The following TSPAN18 variants were observed in gnomAD, a reference collection of about 807,000 sequenced individuals.
TSPAN18 encodes the protein tetraspanin-18.
In TSPAN18, 14 loss-of-function variants were observed where a neutral mutation model predicts 27.3. The observed-to-expected ratio is 0.51, with a 90% CI of 0.34 to 0.80. TSPAN18 has a LOEUF of 0.80. Ranked by LOEUF, TSPAN18 falls within the 30% of genes least tolerant of loss-of-function variation. The probability of loss-of-function intolerance (pLI) is 0.01; values close to 1 mark genes in which losing one functional copy is unlikely to be tolerated. For missense variants in TSPAN18, 268 were observed against 323.9 expected, an observed-to-expected ratio of 0.83 and a Z score of 1.32; for synonymous variants, 143 against 136.5, an observed-to-expected ratio of 1.05 and a Z score of -0.33.
intron 1 of TSPAN18, among the ~76,000 whole-genome samples, chr11:44,741,932 C>T (rs1854946443): frequency 1.3e-5 from 2 of 151,932 alleles, no homozygotes; most frequent in Non-Finnish European, 2.9e-5. Context: ...CCACTCCCTT[C>T]CCTTTTTTTC....
Position 44,828,986 on chromosome 11 carries a change from A to C in TSPAN18, c.-152-31342A>C, listed in dbSNP as rs1857100945. 3.3e-5 allele frequency among the ~76,000 whole-genome samples: 5 copies of C among 152,088 alleles called. No individual in the cohort carries two copies. The South Asian group carries it at 1.0e-3, about 32-fold the overall frequency. On this transcript the variant is annotated intron_variant, in intron 2 of 9. Coordinates refer to ENST00000520358, the MANE Select transcript of TSPAN18 (RefSeq NM_130783.5). ...CCCCTCTCATCAATCCCATCTCTCT[A>C]CTATAACCCAGTTTTAAAAACGAAT...
chr11:44,909,060 T>C (rs558712252), intron 4 of TSPAN18, among the ~76,000 whole-genome samples: 61 of 152,216 alleles, frequency 4.0e-4, no homozygotes, highest in African/African-American at 1.4e-3. Context: ...AGAGAGCCCA[T>C]GTTGATGGAG....
chr11:44,915,525 C>G (rs1859872513), intron 5 of TSPAN18, among the ~76,000 whole-genome samples: 1 of 152,300 alleles, frequency 6.6e-6, no homozygotes, highest in Non-Finnish European at 1.5e-5. Context: ...GAGGTCAGTC[C>G]CTTCTTCAGG....
intron 1 of TSPAN18, among the ~76,000 whole-genome samples, chr11:44,757,303 G>T (rs745571609): frequency 2.6e-5 from 4 of 152,050 alleles, no homozygotes; most frequent in Non-Finnish European, 5.9e-5. Context: ...ATGCCAGTGG[G>T]TGTGAAGTTG....
intron 2 of TSPAN18, among the ~76,000 whole-genome samples, chr11:44,844,512 C>T (rs970332443): frequency 1.3e-5 from 2 of 152,150 alleles, no homozygotes; most frequent in Admixed American, 1.3e-4. Flanking sequence ...GCATCATCTG[C>T]CCAGTTTTAG....
Position 44,919,244 on chromosome 11 carries a change from A to C in TSPAN18, c.364A>C (p.Thr122Pro), listed in dbSNP as rs1565009045. The change falls in exon 7 of 10, where the codon ACC (threonine) becomes CCC (proline). Residue 122 changes from threonine to proline, a missense_variant. Thr to Pro is a conservative substitution (Grantham distance 38). Coordinates refer to ENST00000520358, the MANE Select transcript of TSPAN18 (RefSeq NM_130783.5). ...CCGAGAATTCTTCACCAAGGAGCTC[A>C]CCAAGCACTACCAGGGCAATAACGA... ...LTREFFTKEL[T>P]KHYQGNNDTD... 3 of 1,613,872 alleles carry C rather than the reference A, an allele frequency of 1.9e-6. No homozygotes were observed. The highest frequency in any genetic ancestry group is 1.7e-6 in the Non-Finnish European group (2 of 1,179,906).
chr11:44,779,435 G>A (rs1226331301), intron 2 of TSPAN18, among the ~76,000 whole-genome samples: 2 of 152,150 alleles, frequency 1.3e-5, no homozygotes, highest in East Asian at 3.9e-4. Flanking sequence ...GACTAGGAAT[G>A]GTCAACTGGT....
At chr11:44,764,677 T>TGTCCTCACCCCTAGACATTTA (rs1178754023) in intron 2 of TSPAN18, among the ~76,000 whole-genome samples, 165 bp downstream of exon 2, 4 of 152,188 alleles carry the variant, frequency 2.6e-5, no homozygotes, top group Non-Finnish European at 5.9e-5. Context: ...GCTTCACTCT[T>TGTCCTCACCCCTAGACATTTA]GTCCTCACCC....
chr11:44,812,354 T>C (rs1361084962), intron 2 of TSPAN18, among the ~76,000 whole-genome samples: 3 of 152,206 alleles, frequency 2.0e-5, no homozygotes, highest in Non-Finnish European at 4.4e-5. Flanking sequence ...AGGGCTCAGA[T>C]CTGTGATTGT....
At chr11:44,744,888 G>T (rs1281530974) in intron 1 of TSPAN18, among the ~76,000 whole-genome samples, 2 of 152,190 alleles carry the variant, frequency 1.3e-5, no homozygotes, top group African/African-American at 2.4e-5. Context: ...GATTTGTAGG[G>T]CCTGCCTGAG....
rs375698584 is a variant in TSPAN18, at chr11:44,743,882, G to A, written c.-240+16595G>A. On this transcript the variant is annotated intron_variant, in intron 1 of 9. Transcript: ENST00000520358. ...GCGTTGTAACACCATCCGAGTACCC[G>A]GTTTGGGGTACATTTTGCTGAAAAT... Among the ~76,000 whole-genome samples, 71 of 152,310 alleles carry A rather than the reference G, an allele frequency of 4.7e-4. 1 individual carries two copies. In the South Asian group the frequency reaches 0.013, roughly 28 times the overall value.
At position 44,917,975 on chromosome 11, in the gene TSPAN18, T is replaced by G. The variant is rs376320762; in HGVS notation, c.262T>G (p.Phe88Val). Residue 88 changes from phenylalanine (F) to valine (V), a missense_variant, in exon 6 of 10, where the codon TTC becomes GTC. Physicochemically the swap from Phe to Val is conservative, Grantham distance 50. Transcript: ENST00000520358. ...AAGGCTGTTCCTCTCCCTGCAGTTCTTCCTGTTCATCCTGATCATCTTCCT... is the reference window on the plus strand; with the variant it reads ...AAGGCTGTTCCTCTCCCTGCAGTTCGTCCTGTTCATCCTGATCATCTTCCT... ...RENKCLLLFF[F>V]LFILIIFLAE... is the part of the protein sequence containing the mutation. 1.4e-5 allele frequency: 23 copies of G among 1,614,036 alleles called. No homozygotes were observed. The highest frequency in any genetic ancestry group is 1.9e-5 in the Non-Finnish European group (22 of 1,180,024).
intron 2 of TSPAN18, among the ~76,000 whole-genome samples, chr11:44,781,084 C>T (rs1455834002): frequency 2.6e-5 from 4 of 152,206 alleles, no homozygotes; most frequent in Non-Finnish European, 4.4e-5. Flanking sequence ...TGCAGAGGGC[C>T]GGAGGAGCAG....
At chr11:44,864,490 T>C (rs1443340106) in intron 3 of TSPAN18, among the ~76,000 whole-genome samples, 2 of 152,160 alleles carry the variant, frequency 1.3e-5, no homozygotes, top group African/African-American at 2.4e-5. Context: ...GTCCCTGCTC[T>C]CGGCAGCTCA....
intron 5 of TSPAN18, among the ~76,000 whole-genome samples, chr11:44,912,162 C>T (rs1859744883): frequency 6.6e-6 from 1 of 151,990 alleles, no homozygotes; most frequent in South Asian, 2.1e-4. Context: ...GCTGGGAACA[C>T]AGGCACGTAC....
intron 3 of TSPAN18, among the ~76,000 whole-genome samples, chr11:44,878,408 G>A (rs907801588): frequency 5.9e-5 from 9 of 152,170 alleles, no homozygotes; most frequent in African/African-American, 2.2e-4. Flanking sequence ...TGCTCTCTGG[G>A]TCTGGGGCCA....
rs117054789 is a variant in TSPAN18 at position 44,872,510 on chromosome 11, C to A, written c.-11+12041C>A. ...GTGCTGTGCTAGTGTACGCTATCAACAGAGCACTGAGCATTATGGGAGAAT... is the reference window on the plus strand; with the variant it reads ...GTGCTGTGCTAGTGTACGCTATCAAAAGAGCACTGAGCATTATGGGAGAAT... On this transcript the variant is annotated intron_variant, in intron 3 of 9. Coordinates refer to ENST00000520358, the MANE Select transcript of TSPAN18 (RefSeq NM_130783.5). Among the ~76,000 whole-genome samples, 1,077 of 152,354 alleles carry A rather than the reference C, an allele frequency of 7.1e-3. 6 individuals are homozygous for A. The highest frequency in any genetic ancestry group is 0.011 in the Non-Finnish European group (776 of 68,028).
intron 3 of TSPAN18, among the ~76,000 whole-genome samples, chr11:44,883,587 C>T (rs938607707): frequency 3.3e-5 from 5 of 152,248 alleles, no homozygotes; most frequent in Non-Finnish European, 7.3e-5. Context: ...CTGGGTCCCT[C>T]AGCCACTCTG....
chr11:44,895,227 T>C (rs1472553586), intron 3 of TSPAN18, among the ~76,000 whole-genome samples: 2 of 152,202 alleles, frequency 1.3e-5, no homozygotes, highest in Non-Finnish European at 2.9e-5. Flanking sequence ...CATGTGTCCA[T>C]GGTTCTCCCC....
Sources: allele counts gnomAD v4.1 joint callset (sites outside exome capture counted in the v4.1 genomes callset), GRCh38; gene constraint gnomAD v4.1.1; transcripts MANE v1.5; gene names NCBI Gene and HGNC (gene_info 2026-07-23, HGNC 2026-07-21).